Variants in ABCD2 observed in about 807,000 individuals in gnomAD.
The protein encoded by ABCD2 is ATP-binding cassette sub-family D member 2.
Under a neutral mutation model 70.9 loss-of-function variants are expected in ABCD2, and 36 were observed. The ratio of observed to expected loss-of-function variants is 0.51; its 90% CI spans 0.39 to 0.67. ABCD2 has a LOEUF of 0.67. ABCD2 is among the 30% of genes least tolerant of loss of function. ABCD2 has a pLI of 0.00. For synonymous variants in ABCD2, 304 were observed against 306.9 expected (o/e 0.99, Z 0.10); for missense variants, 729 against 890.2 (o/e 0.82, Z 2.30).
rs559618247 is a variant in ABCD2 at position 39,560,147 on chromosome 12, C to T, written c.2004-6016G>A. Among the ~76,000 whole-genome samples, 373 of 152,268 alleles carry T rather than the reference C, an allele frequency of 2.4e-3. 2 individuals carry two copies. The highest frequency in any genetic ancestry group is 8.5e-3 in the African/African-American group (352 of 41,544). On this transcript the variant is annotated intron_variant, in intron 9 of 9. Transcript: ENST00000308666. Reference sequence around the variant, plus strand: ...TTTACATTAGGTATATCTCCTAATGCTATCTCTCCCTGCTGCCCCCACCCC... The same window carrying T: ...TTTACATTAGGTATATCTCCTAATGTTATCTCTCCCTGCTGCCCCCACCCC...
In ABCD2 at chr12:39,603,984, G is replaced by T; in HGVS notation, c.1428C>A (p.His476Gln). 6.2e-7 allele frequency: 1 copy of T among 1,611,818 alleles called. No homozygotes were observed. The highest frequency in any genetic ancestry group is 8.5e-7 in the Non-Finnish European group (1 of 1,178,578). The change falls in exon 5 of 10, where the codon CAC becomes CAA. Residue 476 changes from histidine to glutamine, a missense_variant. Physicochemically the swap from His to Gln is conservative, Grantham distance 24 (BLOSUM62 0). This residue lies in a region of ABCD2 where 289 missense variants were observed against 328.8 expected (regional missense o/e 0.88). Transcript: ENST00000308666. Reference protein sequence around the residue: ...AIKGKVIDVDHGIICENVPII... With the variant: ...AIKGKVIDVDQGIICENVPII... ...TGGGAACATTTTCACAAATAATTCC[G>T]TGATCCACATCAATAACTTTTCCTG...
intron 8 of ABCD2, among the ~76,000 whole-genome samples, chr12:39,579,317 G>C (rs554801254): frequency 6.6e-6 from 1 of 152,198 alleles, no homozygotes; most frequent in African/African-American, 2.4e-5. Flanking sequence ...AGCCAAGATC[G>C]TGCCACTGCA....
rs550755561 is a variant in ABCD2 at position 39,600,491 on chromosome 12, T to C, written c.1646+80A>G. 3.4e-5 allele frequency: 44 copies of C among 1,303,630 alleles called. 1 individual carries two copies. The African/African-American group carries it at 5.5e-4, about 16-fold the overall frequency. The allele number at this position is 1,303,630 out of a possible 1,614,324, so 80.8% of individuals were successfully genotyped here. A position where few individuals can be genotyped will look rare whatever the true frequency, so the allele number is the denominator to read the frequency against. Reference sequence around the variant, plus strand: ...TAATAAAAACATTCTTAAAGATATATAAACTGAGGAACTTGAGGAATCAAG... The same window carrying C: ...TAATAAAAACATTCTTAAAGATATACAAACTGAGGAACTTGAGGAATCAAG... On this transcript the variant is annotated intron_variant, in intron 6 of 9. Coordinates refer to ENST00000308666, the MANE Select transcript of ABCD2 (RefSeq NM_005164.4).
chr12:39,593,101 C>A (rs1941768379), intron 6 of ABCD2, among the ~76,000 whole-genome samples: 2 of 152,188 alleles, frequency 1.3e-5, no homozygotes, highest in South Asian at 4.2e-4. Flanking sequence ...TAGTTAATAG[C>A]CATCATCTGG....
At chr12:39,569,071 G>T (rs749894675) in intron 9 of ABCD2, among the ~76,000 whole-genome samples, 2 of 152,234 alleles carry the variant, frequency 1.3e-5, no homozygotes, top group Non-Finnish European at 2.9e-5. Context: ...CTACTTGGGT[G>T]TCAGGGACCC....
intron 9 of ABCD2, among the ~76,000 whole-genome samples, chr12:39,557,211 G>C (rs1941181406): frequency 6.6e-6 from 1 of 152,174 alleles, no homozygotes; most frequent in Non-Finnish European, 1.5e-5. Context: ...GGGAACTAGA[G>C]CAAAGCTGAC....
At chr12:39,603,302 A>G (rs1021464356) in intron 5 of ABCD2, among the ~76,000 whole-genome samples, 2 of 152,234 alleles carry the variant, frequency 1.3e-5, no homozygotes, top group African/African-American at 4.8e-5. Flanking sequence ...TTGAATCCCA[A>G]AACATGTGTT....
At chr12:39,577,323 A>T (rs1941533111) in intron 8 of ABCD2, among the ~76,000 whole-genome samples, 1 of 152,170 alleles carries the variant, frequency 6.6e-6, no homozygotes, top group South Asian at 2.1e-4. Context: ...CTGAACCTAA[A>T]TCTCATCAAG....
At chr12:39,614,148 C>A (rs1323427091) in intron 2 of ABCD2, among the ~76,000 whole-genome samples, 5 of 152,086 alleles carry the variant, frequency 3.3e-5, no homozygotes, top group Admixed American at 3.3e-4. Flanking sequence ...AATTGAAGGA[C>A]AAAAGGTTAC....
the ABCD2 span, among the ~76,000 whole-genome samples, chr12:39,540,461 C>G: frequency 6.6e-6 from 1 of 152,102 alleles, no homozygotes; most frequent in Admixed American, 6.6e-5. Context: ...GTTTCTTTGC[C>G]ATATTTTGAA....
intron 8 of ABCD2, among the ~76,000 whole-genome samples, chr12:39,574,928 C>G (rs1287871108): frequency 1.3e-5 from 2 of 152,132 alleles, no homozygotes; most frequent in East Asian, 1.9e-4. Flanking sequence ...GTCAAAGACT[C>G]TAAAACTGCT....
At chr12:39,614,427 A>G (rs1197213974) in intron 2 of ABCD2, among the ~76,000 whole-genome samples, 3 of 152,204 alleles carry the variant, frequency 2.0e-5, no homozygotes, top group Non-Finnish European at 2.9e-5. Flanking sequence ...GGAAAGGACA[A>G]CTATCAAATA....
chr12:39,616,593 A>AATGT (rs1942117538), intron 2 of ABCD2, among the ~76,000 whole-genome samples: 1 of 152,172 alleles, frequency 6.6e-6, no homozygotes, highest in Non-Finnish European at 1.5e-5. Flanking sequence ...TTATAGACTA[A>AATGT]ATGTATGGGA....
At chr12:39,581,385 A>G (rs969067344) in intron 7 of ABCD2, among the ~76,000 whole-genome samples, 2 of 152,196 alleles carry the variant, frequency 1.3e-5, no homozygotes, top group African/African-American at 2.4e-5. Flanking sequence ...CTCACTCTCC[A>G]GAGGAAATCA....
chr12:39,619,526 T>A lies in ABCD2; in HGVS notation c.90A>T (p.Ala30=), dbSNP rs1942165979. The change falls in exon 1 of 10, where the codon GCA becomes GCT. Residue 30 remains alanine, a synonymous_variant. Transcript: ENST00000308666. ...AKRAACLVAA[A]YALKTLYPII... is the part of the protein sequence containing the mutation. ...TGGGATAGAGGGTTTTCAGAGCATA[T>A]GCCGCAGCCACCAGGCAGGCAGCCC... 6.2e-7 allele frequency: 1 copy of A among 1,612,128 alleles called. No homozygotes were observed. The highest frequency in any genetic ancestry group is 8.5e-7 in the Non-Finnish European group (1 of 1,180,002).
chr12:39,589,321 G>C (rs1303967971), intron 6 of ABCD2, among the ~76,000 whole-genome samples: 1 of 150,032 alleles, frequency 6.7e-6, no homozygotes, highest in East Asian at 1.9e-4. Flanking sequence ...TTGTACATGT[G>C]TATGTTCATA....
At chr12:39,559,459 A>G (rs1211162350) in intron 9 of ABCD2, among the ~76,000 whole-genome samples, 3 of 152,020 alleles carry the variant, frequency 2.0e-5, no homozygotes, top group Non-Finnish European at 4.4e-5. Context: ...AGATTTATAA[A>G]GCTTATTTAA....
chr12:39,589,437 A>T (rs1333070324), intron 6 of ABCD2, among the ~76,000 whole-genome samples: 1 of 128,306 alleles, frequency 7.8e-6, no homozygotes, highest in Admixed American at 9.3e-5. Flanking sequence ...CCCAGGCTGG[A>T]GTGCAGTGGC....
At chr12:39,565,484 C>T (rs1469915337) in intron 9 of ABCD2, among the ~76,000 whole-genome samples, 1 of 152,102 alleles carries the variant, frequency 6.6e-6, no homozygotes, top group African/African-American at 2.4e-5. Flanking sequence ...GATTTTGTAT[C>T]CTGAGACTTT....
Sources: allele counts gnomAD v4.1 joint callset (sites outside exome capture counted in the v4.1 genomes callset), GRCh38; gene constraint gnomAD v4.1.1; regional missense constraint gnomAD v4.1.1; transcripts MANE v1.5; gene names NCBI Gene and HGNC (gene_info 2026-07-23, HGNC 2026-07-21).